Variants in CALN1 observed in about 807,000 individuals in gnomAD.
CALN1 encodes the protein calcium-binding protein 8.
CALN1 carries 17 observed loss-of-function variants against 30.6 expected under a neutral mutation model. The ratio of observed to expected loss-of-function variants is 0.56; its 90% CI spans 0.38 to 0.83. The LOEUF (loss-of-function observed/expected upper bound fraction) is 0.83, where lower values mean the gene tolerates loss of function less well. Ranked by LOEUF, CALN1 falls within the 40% of genes least tolerant of loss-of-function variation. CALN1 has a pLI of 0.00. For missense variants in CALN1, 291 were observed against 354.9 expected (o/e 0.82, Z 1.45); for synonymous variants, 156 against 131.4 (o/e 1.19, Z -1.28).
chr7:72,337,115 G>T (rs764573211), intron 2 of CALN1: 2 of 985,734 alleles, frequency 2.0e-6, no homozygotes, highest in South Asian at 9.4e-5. Context: ...GCTGCGCCCC[G>T]GAGCCCAGTG....
chr7:71,798,137 G>C (rs1382930331), intron 6 of CALN1, among the ~76,000 whole-genome samples: 4 of 127,580 alleles, frequency 3.1e-5, no homozygotes, highest in East Asian at 2.5e-4. Flanking sequence ...GAGAGAGAGA[G>C]AGAGAGAGAG....
At chr7:72,393,741 GCTTT>G (rs1211008069) in intron 2 of CALN1, among the ~76,000 whole-genome samples, 116 of 115,092 alleles carry the variant, frequency 1.0e-3, no homozygotes, top group African/African-American at 4.0e-3. Flanking sequence ...TGACCATAGA[GCTTT>G]TTTTTTTTTT....
chr7:72,462,021 G>GAAAA, the CALN1 span, among the ~76,000 whole-genome samples: 1 of 139,668 alleles, frequency 7.2e-6, no homozygotes, highest in African/African-American at 2.6e-5. Context: ...AAGAAAGAAA[G>GAAAA]AAAAAAAAAA....
intron 2 of CALN1, among the ~76,000 whole-genome samples, chr7:72,297,627 G>A (rs988266114): frequency 3.9e-5 from 6 of 152,142 alleles, no homozygotes; most frequent in African/African-American, 1.4e-4. Context: ...ACAGTAATTT[G>A]AAGATTTGGT....
intron 2 of CALN1, among the ~76,000 whole-genome samples, chr7:72,292,904 T>A (rs1251963099): frequency 6.7e-6 from 1 of 149,052 alleles, no homozygotes; most frequent in Non-Finnish European, 1.5e-5. Flanking sequence ...GAAACCGGAG[T>A]CTCATTTCCT....
At chr7:72,484,847 C>A in the CALN1 span, among the ~76,000 whole-genome samples, 1 of 152,188 alleles carries the variant, frequency 6.6e-6, no homozygotes, top group Non-Finnish European at 1.5e-5. Flanking sequence ...GGATAATGGG[C>A]CCTTCTTCTC....
chr7:71,908,568 T>G (rs17144104), intron 5 of CALN1, among the ~76,000 whole-genome samples: 4 of 151,956 alleles, frequency 2.6e-5, no homozygotes, highest in African/African-American at 9.7e-5. Context: ...ACGAGAAAAG[T>G]AGATATCTTA....
At chr7:71,802,469 G>C (rs777660078) in intron 6 of CALN1, among the ~76,000 whole-genome samples, 2 of 152,096 alleles carry the variant, frequency 1.3e-5, no homozygotes, top group African/African-American at 2.4e-5. Flanking sequence ...GGCTTGGTAA[G>C]TTTTTTATTC....
intron 5 of CALN1, among the ~76,000 whole-genome samples, chr7:72,013,457 G>T (rs73368118): frequency 0.012 from 1,792 of 151,710 alleles, 34 homozygotes; most frequent in African/African-American, 0.039. Flanking sequence ...TCACTATGTC[G>T]CCTAGGCTCC....
At chr7:72,433,770 A>AATGT (rs1286160611) in intron 1 of CALN1, among the ~76,000 whole-genome samples, 1 of 152,124 alleles carries the variant, frequency 6.6e-6, no homozygotes, top group Non-Finnish European at 1.5e-5. Context: ...TCTGATTCAA[A>AATGT]ATGTACATTG....
intron 3 of CALN1, among the ~76,000 whole-genome samples, chr7:72,273,991 G>C (rs1208975793): frequency 6.6e-6 from 1 of 151,982 alleles, no homozygotes; most frequent in East Asian, 1.9e-4. Flanking sequence ...CTTTTATTAT[G>C]AATATATATA....
At chr7:72,347,639 G>A (rs113565186) in intron 2 of CALN1, among the ~76,000 whole-genome samples, 16 of 152,130 alleles carry the variant, frequency 1.1e-4, no homozygotes, top group East Asian at 3.9e-4. Context: ...ACAATTTGCC[G>A]GACAGACAAC....
At chr7:72,300,421 A>C (rs555472257) in intron 2 of CALN1, among the ~76,000 whole-genome samples, 2 of 151,794 alleles carry the variant, frequency 1.3e-5, no homozygotes, top group Admixed American at 6.5e-5. Context: ...ACAACAACAA[A>C]AAAGATAAAA....
chr7:72,105,741 G>A (rs1807044318), intron 4 of CALN1, among the ~76,000 whole-genome samples: 1 of 145,618 alleles, frequency 6.9e-6, no homozygotes, highest in South Asian at 2.3e-4. Flanking sequence ...GGAGGAGGAG[G>A]AAGAGGGGCA....
chr7:72,183,355 A>G (rs1248238664), intron 3 of CALN1, among the ~76,000 whole-genome samples: 1 of 152,218 alleles, frequency 6.6e-6, no homozygotes, highest in Non-Finnish European at 1.5e-5. Context: ...AGAGAGAAAA[A>G]GTCAAAACAA....
intron 4 of CALN1, among the ~76,000 whole-genome samples, chr7:72,073,855 G>A (rs1804560691): frequency 1.3e-5 from 2 of 152,110 alleles, no homozygotes; most frequent in African/African-American, 2.4e-5. Context: ...CACCATGACT[G>A]GCTAATTTTT....
chr7:72,325,922 G>A (rs976589060), intron 2 of CALN1, among the ~76,000 whole-genome samples: 1 of 152,114 alleles, frequency 6.6e-6, no homozygotes, highest in African/African-American at 2.4e-5. Context: ...TTTTTTAGAA[G>A]ACAGGGTCTT....
At chr7:72,134,012 C>CATT (rs2129543000) in intron 3 of CALN1, among the ~76,000 whole-genome samples, 1 of 152,296 alleles carries the variant, frequency 6.6e-6, no homozygotes, top group Non-Finnish European at 1.5e-5. Flanking sequence ...CATTAAAAGG[C>CATT]ATTAAAAGGC....
chr7:71,816,794 CCT>C (rs1161569474), intron 5 of CALN1, among the ~76,000 whole-genome samples: 3 of 152,032 alleles, frequency 2.0e-5, no homozygotes, highest in African/African-American at 7.2e-5. Flanking sequence ...ATGGTGAAAC[CCT>C]GTCTCTACTA....
Sources: allele counts gnomAD v4.1 joint callset (sites outside exome capture counted in the v4.1 genomes callset), GRCh38; gene constraint gnomAD v4.1.1; transcripts MANE v1.5; gene names NCBI Gene and HGNC (gene_info 2026-07-23, HGNC 2026-07-21).